The following DAAM2 variants were observed in gnomAD, a reference collection of about 807,000 sequenced individuals.
The protein encoded by DAAM2 is disheveled-associated activator of morphogenesis 2.
Under a neutral mutation model 120.7 loss-of-function variants are expected in DAAM2, and 39 were observed. The ratio of observed to expected loss-of-function variants is 0.32; its 90% CI spans 0.25 to 0.42. The LOEUF (loss-of-function observed/expected upper bound fraction) is 0.42. Among genes scored for constraint, DAAM2 ranks in the 10% least tolerant of loss-of-function variants. DAAM2 has a pLI of 1.00. For synonymous variants in DAAM2, 488 were observed against 524.9 expected (o/e 0.93, Z 0.96); for missense variants, 1,283 against 1,401.7 (o/e 0.92, Z 1.35).
intron 1 of DAAM2, among the ~76,000 whole-genome samples, chr6:39,835,125 C>T (rs1330389232): frequency 6.6e-6 from 1 of 152,222 alleles, no homozygotes; most frequent in South Asian, 2.1e-4. Context: ...TTTTGTTCAT[C>T]TCTTTATCTC....
intron 5 of DAAM2, among the ~76,000 whole-genome samples, chr6:39,865,530 A>G (rs886626306): frequency 1.3e-5 from 2 of 152,158 alleles, no homozygotes; most frequent in Non-Finnish European, 1.5e-5. Context: ...TTTGCCATCT[A>G]GAATGGGAGC....
At chr6:39,802,189 T>C (rs753363578) in intron 1 of DAAM2, among the ~76,000 whole-genome samples, 1 of 152,192 alleles carries the variant, frequency 6.6e-6, no homozygotes, top group Non-Finnish European at 1.5e-5. Context: ...GAGGTAATGT[T>C]ATCGATGTCT....
intron 2 of DAAM2, among the ~76,000 whole-genome samples, chr6:39,857,220 G>A (rs1764044523): frequency 6.6e-6 from 1 of 152,196 alleles, no homozygotes; most frequent in Non-Finnish European, 1.5e-5. Flanking sequence ...GCACACCAAG[G>A]GAGGTCCCAG....
chr6:39,801,925 C>T (rs938390001), intron 1 of DAAM2, among the ~76,000 whole-genome samples: 21 of 152,184 alleles, frequency 1.4e-4, no homozygotes, highest in Non-Finnish European at 1.9e-4. Flanking sequence ...TGGGAAGATA[C>T]GTCAATATTT....
At chr6:39,801,025 C>T (rs1761847177) in intron 1 of DAAM2, among the ~76,000 whole-genome samples, 1 of 152,204 alleles carries the variant, frequency 6.6e-6, no homozygotes, top group Non-Finnish European at 1.5e-5. Context: ...CTTCAGTTTT[C>T]TTATCTGTCA....
intron 9 of DAAM2, among the ~76,000 whole-genome samples, chr6:39,872,782 C>T (rs896537532): frequency 3.3e-5 from 5 of 152,060 alleles, no homozygotes; most frequent in East Asian, 1.9e-4. Context: ...GGTGGACCTG[C>T]GCCACATTCC....
chr6:39,873,000 C>G (rs1042021480), intron 9 of DAAM2, among the ~76,000 whole-genome samples: 1 of 152,178 alleles, frequency 6.6e-6, no homozygotes, highest in Non-Finnish European at 1.5e-5. Flanking sequence ...GGGCAGCCCC[C>G]ACAATGAGTA....
chr6:39,875,803 A>G (rs956893871), intron 11 of DAAM2, among the ~76,000 whole-genome samples: 1 of 152,182 alleles, frequency 6.6e-6, no homozygotes, highest in African/African-American at 2.4e-5. Context: ...TGTATTGGGC[A>G]TGTTCTCAAC....
intron 1 of DAAM2, among the ~76,000 whole-genome samples, chr6:39,808,037 C>G (rs1055996133): frequency 6.7e-6 from 1 of 149,996 alleles, no homozygotes; most frequent in African/African-American, 2.5e-5. Context: ...CTCCAAACAT[C>G]TATATCTCAT....
Position 39,865,032 on chromosome 6 carries a change from T to C in DAAM2, c.386T>C (p.Val129Ala), listed in dbSNP as rs1474234971. 2 of 1,607,100 alleles carry C rather than the reference T, an allele frequency of 1.2e-6. No individual in the cohort carries two copies. The highest frequency in any genetic ancestry group is 1.7e-6 in the Non-Finnish European group (2 of 1,176,898). ...GAGGAGACGGAGATGAGGAACCAAG[T>C]CGTGGAAGACCTGAAGACAGCCCTC... ...DEEETEMRNQ[V>A]VEDLKTALRT... Residue 129 changes from valine to alanine, a missense_variant, in exon 5 of 25, where the codon GTC (valine) becomes GCC (alanine). Val to Ala is a moderately conservative substitution (Grantham distance 64, BLOSUM62 0). This residue lies in a region of DAAM2 where 197 missense variants were observed against 189.3 expected (regional missense o/e 1.04). Transcript: ENST00000274867.
chr6:39,904,220 C>CA lies in DAAM2; in HGVS notation c.*2184dup. On this transcript the variant is annotated 3_prime_UTR_variant, in exon 25 of 25. Transcript: ENST00000274867. ...AAGCAGAATTTGGTTCAACTGTTGA[C>CA]AGAGGACACAAATACGTTGTTCCAG... The CA allele has an allele frequency of 2.2e-6, 1 of 456,756 alleles. No individual in the cohort carries two copies. The highest frequency in any genetic ancestry group is 4.4e-6 in the Non-Finnish European group (1 of 226,978). 28.3% of individuals were successfully genotyped at this position (456,756 alleles called of 1,614,324 possible). A position where few individuals can be genotyped will look rare whatever the true frequency, so the allele number is the denominator to read the frequency against.
intron 20 of DAAM2, 31 bp downstream of exon 20, chr6:39,897,011 G>T: frequency 6.3e-7 from 1 of 1,588,432 alleles, no homozygotes; most frequent in South Asian, 1.2e-5. Context: ...CCACTTCCTT[G>T]GCCTCTATCT....
At chr6:39,886,899 C>T (rs1454944791) in intron 15 of DAAM2, 1 of 160,438 alleles carries the variant, frequency 6.2e-6, no homozygotes, top group East Asian at 1.8e-4. Context: ...TCAATGATTT[C>T]TCCAGAATCT....
intron 1 of DAAM2, among the ~76,000 whole-genome samples, chr6:39,827,637 C>T (rs1297401925): frequency 6.6e-6 from 1 of 152,094 alleles, no homozygotes; most frequent in African/African-American, 2.4e-5. Context: ...GAGGATTCTC[C>T]CTGACTCTTT....
At chr6:39,900,771 G>A (rs1766429854) in intron 23 of DAAM2, among the ~76,000 whole-genome samples, 1 of 152,124 alleles carries the variant, frequency 6.6e-6, no homozygotes. Context: ...ATCTTTCTTA[G>A]AGGATACTGA....
At chr6:39,796,457 T>C (rs1761701759) in intron 1 of DAAM2, among the ~76,000 whole-genome samples, 1 of 152,064 alleles carries the variant, frequency 6.6e-6, no homozygotes, top group African/African-American at 2.4e-5. Flanking sequence ...GTTTGTTTTT[T>C]GTTTCATTAT....
intron 7 of DAAM2, among the ~76,000 whole-genome samples, chr6:39,869,754 T>TG (rs1491551108): frequency 7.2e-4 from 8 of 11,086 alleles, no homozygotes; most frequent in African/African-American, 3.9e-3. Flanking sequence ...GCCAGCATAC[T>TG]TTTTTTTTTT....
At chr6:39,844,982 TCA>T (rs1491008470) in intron 1 of DAAM2, among the ~76,000 whole-genome samples, 2 of 147,582 alleles carry the variant, frequency 1.4e-5, no homozygotes, top group Non-Finnish European at 3.0e-5. Context: ...ACAAACCCCA[TCA>T]CACACACTAC....
In DAAM2 at chr6:39,884,016, A is replaced by G. The variant is rs750888520; in HGVS notation, c.1900A>G (p.Ile634Val). The change falls in exon 15 of 25, where the codon ATC becomes GTC. Residue 634 changes from isoleucine (I) to valine (V), a missense_variant. Coordinates refer to ENST00000274867, the MANE Select transcript of DAAM2 (RefSeq NM_001201427.2). ...NEIDDMQVFR[I>V]LDLEDFEKMF... ...GATTGATGACATGCAGGTATTTCGG[A>G]TCCTGGACCTAGAGGATTTTGAAAA... 1 of 1,613,576 alleles carries G rather than the reference A, an allele frequency of 6.2e-7. No homozygotes were observed. The highest frequency in any genetic ancestry group is 8.5e-7 in the Non-Finnish European group (1 of 1,179,648).
Sources: gnomAD v4.1 joint callset for allele counts (sites outside exome capture counted in the v4.1 genomes callset) on GRCh38, gnomAD v4.1.1 for gene constraint, gnomAD v4.1.1 regional missense constraint, MANE v1.5 for transcripts, NCBI Gene and HGNC (gene_info 2026-07-23, HGNC 2026-07-21) for gene names.